The following SEL1L2 variants were observed in gnomAD, a reference collection of about 807,000 sequenced individuals.
The protein encoded by SEL1L2 is protein sel-1 homolog 2.
SEL1L2 carries 89 observed loss-of-function variants against 98.8 expected under a neutral mutation model. The observed-to-expected ratio is 0.90, with a 90% CI of 0.76 to 1.07. SEL1L2 has a LOEUF of 1.07. SEL1L2 is among the 50% of genes least tolerant of loss of function. The probability of loss-of-function intolerance (pLI) is 0.00; values close to 1 mark genes in which losing one functional copy is unlikely to be tolerated. For missense variants in SEL1L2, 788 were observed against 812.0 expected (o/e 0.97, Z 0.36); for synonymous variants, 262 against 278.5 (o/e 0.94, Z 0.59).
chr20:13,944,846 A>G (rs1035856809), intron 2 of SEL1L2, among the ~76,000 whole-genome samples: 4 of 152,226 alleles, frequency 2.6e-5, no homozygotes, highest in Non-Finnish European at 5.9e-5. Context: ...TCATCAGCTG[A>G]GATGTGTTGG....
At chr20:13,990,818 A>G (rs1263348497), upstream of SEL1L2, among the ~76,000 whole-genome samples, 3 of 152,262 alleles carry the variant, frequency 2.0e-5, no homozygotes, top group Non-Finnish European at 2.9e-5. Context: ...GGAAGGGACC[A>G]GAAGTCCGAC....
intron 4 of SEL1L2, 60 bp downstream of exon 4, chr20:13,918,961 T>C (rs562684759): frequency 9.1e-5 from 105 of 1,152,648 alleles, no homozygotes; most frequent in Non-Finnish European, 1.3e-4. Context: ...ACATTTGGGA[T>C]TTTTCTTTTT....
intron 1 of SEL1L2, among the ~76,000 whole-genome samples, chr20:13,963,836 AATACAAACGGC>A (rs1318974819): frequency 1.3e-5 from 2 of 152,188 alleles, no homozygotes; most frequent in Non-Finnish European, 2.9e-5. Context: ...CTAGAGTAGG[AATACAAACGGC>A]AGTCCACCTT....
intron 15 of SEL1L2, among the ~76,000 whole-genome samples, chr20:13,865,945 GAC>G (rs572638944): frequency 6.6e-4 from 100 of 152,076 alleles, no homozygotes; most frequent in Non-Finnish European, 1.3e-3. Context: ...ATGAAGGAAA[GAC>G]AGTGCCGGAG....
chr20:13,977,981 C>T (rs1361897271), intron 1 of SEL1L2, among the ~76,000 whole-genome samples: 1 of 151,908 alleles, frequency 6.6e-6, no homozygotes, highest in Non-Finnish European at 1.5e-5. Flanking sequence ...CATCATTTTT[C>T]ACAAAAATAG....
At chr20:13,889,660 G>C (rs556797838) in intron 5 of SEL1L2, among the ~76,000 whole-genome samples, 21 of 151,924 alleles carry the variant, frequency 1.4e-4, no homozygotes, top group African/African-American at 5.1e-4. Flanking sequence ...GCGTGGTAGC[G>C]GGGGCCTGTA....
At chr20:13,866,517 T>C (rs1991060961) in intron 15 of SEL1L2, among the ~76,000 whole-genome samples, 185 bp downstream of exon 15, 1 of 152,172 alleles carries the variant, frequency 6.6e-6, no homozygotes, top group African/African-American at 2.4e-5. Flanking sequence ...TTTCTCTGTC[T>C]CCCTTCCCCA....
chr20:13,871,568 G>A (rs1163858337), intron 12 of SEL1L2, among the ~76,000 whole-genome samples: 1 of 151,768 alleles, frequency 6.6e-6, no homozygotes, highest in African/African-American at 2.4e-5. Context: ...CTGGAGTGCA[G>A]TGAGGTGATC....
At chr20:13,850,366 G>C in intron 18 of SEL1L2, 47 bp from the exon 19 acceptor site, 2 of 1,596,696 alleles carry the variant, frequency 1.3e-6, no homozygotes, top group Non-Finnish European at 1.7e-6. Flanking sequence ...GTAGGGGTAA[G>C]TAAACAGACA....
At chr20:13,919,237 T>TC (rs2048545980) in intron 3 of SEL1L2, 114 bp from the exon 4 acceptor site, 1 of 635,034 alleles carries the variant, frequency 1.6e-6, no homozygotes, top group South Asian at 2.3e-5. Context: ...ACTTATTTTT[T>TC]AAACCTCTGC....
intron 17 of SEL1L2, among the ~76,000 whole-genome samples, chr20:13,860,865 C>T (rs1990005764): frequency 6.6e-6 from 1 of 152,080 alleles, no homozygotes; most frequent in Admixed American, 6.6e-5. Flanking sequence ...CTTAAAATGC[C>T]CAACAGAGAT....
At chr20:13,890,818 A>C (rs1266453244) in intron 5 of SEL1L2, among the ~76,000 whole-genome samples, 1 of 152,204 alleles carries the variant, frequency 6.6e-6, no homozygotes, top group African/African-American at 2.4e-5. Context: ...AACAAAGAGA[A>C]ACTATTAAAA....
intron 2 of SEL1L2, among the ~76,000 whole-genome samples, chr20:13,945,814 A>G (rs1226661898): frequency 6.6e-6 from 1 of 152,186 alleles, no homozygotes; most frequent in Non-Finnish European, 1.5e-5. Context: ...TGTCACATTA[A>G]CAAAATGAAA....
intron 10 of SEL1L2, among the ~76,000 whole-genome samples, chr20:13,884,100 A>C (rs539128244): frequency 6.6e-6 from 1 of 152,234 alleles, no homozygotes; most frequent in Non-Finnish European, 1.5e-5. Context: ...ACTGGATCTC[A>C]TATAAAATAC....
At chr20:13,908,195 G>A (rs921780370) in intron 5 of SEL1L2, among the ~76,000 whole-genome samples, 3 of 136,800 alleles carry the variant, frequency 2.2e-5, no homozygotes, top group African/African-American at 8.3e-5. Context: ...ACAGCTCACT[G>A]CAGCCTTGAC....
At chr20:13,863,445 C>G (rs1486222006) in intron 17 of SEL1L2, among the ~76,000 whole-genome samples, 1 of 152,166 alleles carries the variant, frequency 6.6e-6, no homozygotes, top group Non-Finnish European at 1.5e-5. Flanking sequence ...TTCGATTTCA[C>G]AGTCACAGGG....
rs563697146 is a variant in SEL1L2 at position 13,887,986 on chromosome 20, T to A, written c.619A>T (p.Thr207Ser). The A allele has an allele frequency of 7.4e-6, 12 of 1,613,606 alleles. No individual in the cohort carries two copies. In the East Asian group the frequency reaches 2.5e-4, roughly 33 times the overall value. ...ATGTTTCCTCCAGCACTTCCAAAGG[T>A]GTAATATATCAGTGCCTAAAGTAAA... ...YDQAKALIYYTFGSAGGNMMS... is the reference protein window; with the variant it reads ...YDQAKALIYYSFGSAGGNMMS... The change falls in exon 7 of 20, where the codon ACC becomes TCC. Residue 207 changes from threonine (T) to serine (S), a missense_variant. Coordinates refer to ENST00000284951, the MANE Select transcript of SEL1L2 (RefSeq NM_025229.2).
chr20:13,853,199 T>A, intron 18 of SEL1L2, among the ~76,000 whole-genome samples: 1 of 152,108 alleles, frequency 6.6e-6, no homozygotes, highest in East Asian at 1.9e-4. Flanking sequence ...TCCGCTAGCC[T>A]ATAATTTTTT....
chr20:13,994,628 T>A (rs1001394252), upstream of SEL1L2, among the ~76,000 whole-genome samples: 3 of 152,186 alleles, frequency 2.0e-5, no homozygotes, highest in Admixed American at 2.0e-4. Context: ...ACCCTACTCA[T>A]GTGGCGGACT....
Sources: allele counts gnomAD v4.1 joint callset (sites outside exome capture counted in the v4.1 genomes callset), GRCh38; gene constraint gnomAD v4.1.1; transcripts MANE v1.5; gene names NCBI Gene and HGNC (gene_info 2026-07-23, HGNC 2026-07-21).